The following ELOA variants were observed in gnomAD, a reference collection of about 807,000 sequenced individuals.
ELOA encodes elongin-A.
ELOA carries 15 observed loss-of-function variants against 85.2 expected under a neutral mutation model. The ratio of observed to expected loss-of-function variants is 0.18; its 90% CI spans 0.12 to 0.27. The LOEUF is 0.27. ELOA is among the 10% of genes least tolerant of loss of function. ELOA has a pLI of 1.00. For missense variants in ELOA, 769 were observed against 952.7 expected, an observed-to-expected ratio of 0.81 and a Z score of 2.54; for synonymous variants, 348 against 357.2, an observed-to-expected ratio of 0.97 and a Z score of 0.29.
chr1:23,749,964 T>A lies in ELOA; in HGVS notation c.239+16T>A, dbSNP rs1644761837. On this transcript the variant is annotated intron_variant, in intron 3 of 10. Transcript: ENST00000613537. The stretch of plus-strand genomic sequence containing the variant: ...CTGTGGAACGGTAAGAACATTTCTC[T>A]TTAGGTTTGTTCAATTTCATGGTTA... 2.5e-6 allele frequency: 4 copies of A among 1,588,158 alleles called. No homozygotes were observed. In the East Asian group the frequency reaches 9.0e-5, roughly 36 times the overall value.
At chr1:23,748,954 A>G in intron 1 of ELOA, 67 bp from the exon 2 acceptor site, 1 of 1,310,166 alleles carries the variant, frequency 7.6e-7, no homozygotes, top group Admixed American at 1.7e-5. Context: ...AGCACTAAGC[A>G]CTTAATAATC....
In ELOA at chr1:23,751,455, C is replaced by T. The variant is rs779971063; in HGVS notation, c.850C>T (p.Pro284Ser). The T allele has an allele frequency of 2.5e-6, 4 of 1,614,032 alleles. No homozygotes were observed. Among genetic ancestry groups the T allele is most frequent in the East Asian group, 2.2e-5 (1 of 44,878 alleles). The change falls in exon 4 of 11, where the codon CCC (proline) becomes TCC (serine). Residue 284 changes from proline (P) to serine (S), a missense_variant. This residue lies in a region of ELOA where 440 missense variants were observed against 474.0 expected (regional missense o/e 0.93). Coordinates refer to ENST00000613537, the MANE Select transcript of ELOA (RefSeq NM_003198.3). Reference sequence around the variant, plus strand: ...CTCCAAAGAGGAGAACCGAAGGCCACCCTCAGGGGACAATGCAAGGGAGAA... The same window carrying T: ...CTCCAAAGAGGAGAACCGAAGGCCATCCTCAGGGGACAATGCAAGGGAGAA... Reference protein sequence around the residue: ...ALSKEENRRPPSGDNAREKPP... With the variant: ...ALSKEENRRPSSGDNAREKPP...
Position 23,751,409 on chromosome 1 carries a change from A to G in ELOA, c.804A>G (p.Arg268=). The part of the protein sequence containing the change: ...KSDEKASVVS[R]EKSHKALSKE... ...ATGAGAAGGCCTCTGTGGTGAGCAG[A>G]GAGAAATCACACAAGGCCCTCTCCA... The change falls in exon 4 of 11, where the codon AGA becomes AGG. Residue 268 remains arginine, a synonymous_variant. Coordinates refer to ENST00000613537, the MANE Select transcript of ELOA (RefSeq NM_003198.3). The G allele has an allele frequency of 6.2e-7, 1 of 1,614,172 alleles. No homozygotes were observed.
chr1:23,756,172 C>A, intron 8 of ELOA, 102 bp from the exon 9 acceptor site: 1 of 1,426,948 alleles, frequency 7.0e-7, no homozygotes, highest in Non-Finnish European at 9.4e-7. Flanking sequence ...CCATTCTACC[C>A]TACAAGTGGG....
In ELOA at chr1:23,760,517, T is replaced by C. The variant is rs1638279167; in HGVS notation, c.*944T>C. 6.6e-6 allele frequency: 1 copy of C among 152,204 alleles called. No homozygotes were observed. The highest frequency in any genetic ancestry group is 1.5e-5 in the Non-Finnish European group (1 of 68,048). The allele number at this position is 152,204 out of a possible 1,614,324, so 9.4% of individuals were successfully genotyped here. On this transcript the variant is annotated 3_prime_UTR_variant, in exon 11 of 11. Transcript: ENST00000613537. Reference sequence around the variant, plus strand: ...CTTTTTGTAGCCCTGAAGGCAACTTTAGACATTTAAAATCCAGCACTTTAA... The same window carrying C: ...CTTTTTGTAGCCCTGAAGGCAACTTCAGACATTTAAAATCCAGCACTTTAA...
intron 2 of ELOA, 38 bp from the exon 3 acceptor site, chr1:23,749,804 T>C: frequency 6.3e-7 from 1 of 1,587,648 alleles, no homozygotes; most frequent in South Asian, 1.1e-5. Context: ...GTTAGCCTAG[T>C]TCCAGACCCC....
At chr1:23,745,585 G>T (rs1212602084) in intron 1 of ELOA, among the ~76,000 whole-genome samples, 1 of 151,142 alleles carries the variant, frequency 6.6e-6, no homozygotes, top group African/African-American at 2.4e-5. Flanking sequence ...TTTGCATTGT[G>T]AAGTGAGCAT....
In ELOA at chr1:23,751,195, T is replaced by C. The variant is rs1644768704; in HGVS notation, c.590T>C (p.Leu197Pro). The change falls in exon 4 of 11, where the codon CTG becomes CCG. Residue 197 changes from leucine to proline, a missense_variant. Transcript: ENST00000613537. ...ATGTACGTCGACCACTACAGATCCCTGGAGGAGGACCAGGAGCCCATTGTT... is the reference window on the plus strand; with the variant it reads ...ATGTACGTCGACCACTACAGATCCCCGGAGGAGGACCAGGAGCCCATTGTT... ...HQMYVDHYRS[L>P]EEDQEPIVSH... 1 of 1,614,160 alleles carries C rather than the reference T, an allele frequency of 6.2e-7. No homozygotes were observed. Among genetic ancestry groups the C allele is most frequent in the Non-Finnish European group, 8.5e-7 (1 of 1,180,020 alleles).
In ELOA at chr1:23,751,013, C is replaced by T. The variant is rs766641343; in HGVS notation, c.408C>T (p.Leu136=). 6.2e-7 allele frequency: 1 copy of T among 1,613,896 alleles called. No individual in the cohort carries two copies. The highest frequency in any genetic ancestry group is 1.7e-5 in the Admixed American group (1 of 59,982). Reference sequence around the variant, plus strand: ...ACAGGCAGAAGAAACATAGGAAACTCTCGGAGCTCGAGAGACCTCACAAAG... The same window carrying T: ...ACAGGCAGAAGAAACATAGGAAACTTTCGGAGCTCGAGAGACCTCACAAAG... ...PDHRQKKHRK[L]SELERPHKVS... Residue 136 remains leucine (L), a synonymous_variant, in exon 4 of 11, where the codon CTC becomes CTT. Transcript: ENST00000613537.
At chr1:23,757,834 A>C (rs920368903) in intron 10 of ELOA, among the ~76,000 whole-genome samples, 2 of 151,034 alleles carry the variant, frequency 1.3e-5, no homozygotes, top group Non-Finnish European at 3.0e-5. Flanking sequence ...AAAAAAAGTG[A>C]AAGTAGAAAA....
At chr1:23,749,814 C>G in intron 2 of ELOA, 28 bp from the exon 3 acceptor site, 1 of 1,605,260 alleles carries the variant, frequency 6.2e-7, no homozygotes, top group Non-Finnish European at 8.5e-7. Flanking sequence ...TTCCAGACCC[C>G]TCTAACAATT....
chr1:23,747,954 T>C (rs1644753813), intron 1 of ELOA, among the ~76,000 whole-genome samples: 1 of 152,242 alleles, frequency 6.6e-6, no homozygotes, highest in Non-Finnish European at 1.5e-5. Flanking sequence ...ACCACAGTTA[T>C]CTATTTTAAA....
chr1:23,744,900 ACCAGGCTGAAAGTCAGTGCT>A (rs980648405), intron 1 of ELOA, among the ~76,000 whole-genome samples: 1 of 152,200 alleles, frequency 6.6e-6, no homozygotes, highest in Non-Finnish European at 1.5e-5. Flanking sequence ...AGGCTAAGGT[ACCAGGCTGAAAGTCAGTGCT>A]CAGAAAACCA....
chr1:23,750,330 C>A (rs1432457261), intron 3 of ELOA, among the ~76,000 whole-genome samples: 1 of 151,946 alleles, frequency 6.6e-6, no homozygotes, highest in Non-Finnish European at 1.5e-5. Flanking sequence ...CACCCGCCAC[C>A]ACGCCCGGCT....
rs1368166276 is a variant in ELOA at position 23,754,266 on chromosome 1, C to T, written c.1693+11C>T. Reference sequence around the variant, plus strand: ...AAAACAACATCGATTGTAAGTCACACGCTTCTCTCTAGCTCTCAAGCACAT... The same window carrying T: ...AAAACAACATCGATTGTAAGTCACATGCTTCTCTCTAGCTCTCAAGCACAT... On this transcript the variant is annotated intron_variant, in intron 6 of 10. Transcript: ENST00000613537. The T allele has an allele frequency of 7.4e-6, 12 of 1,614,132 alleles. No homozygotes were observed. Among genetic ancestry groups the T allele is most frequent in the South Asian group, 5.5e-5 (5 of 91,070 alleles).
chr1:23,743,821 G>T (rs1011872341), intron 1 of ELOA, among the ~76,000 whole-genome samples: 1 of 151,624 alleles, frequency 6.6e-6, no homozygotes, highest in Non-Finnish European at 1.5e-5. Flanking sequence ...GGGCGCGCCC[G>T]GTGCGGACAC....
chr1:23,747,465 A>G (rs1323882933), intron 1 of ELOA, among the ~76,000 whole-genome samples: 1 of 152,230 alleles, frequency 6.6e-6, no homozygotes, highest in East Asian at 1.9e-4. Context: ...GTAACGTGTA[A>G]GAGCTTAGTG....
Position 23,752,036 on chromosome 1 carries a change from C to T in ELOA, c.1425+6C>T. 2 of 1,579,260 alleles carry T rather than the reference C, an allele frequency of 1.3e-6. No individual in the cohort carries two copies. The highest frequency in any genetic ancestry group is 8.6e-7 in the Non-Finnish European group (1 of 1,168,622). ...ATTTAGCCAAGCTGAGAAAGGTAAC[C>T]CCTTCAGCCCCTTGGTGGCTTCCCA... On this transcript the variant is annotated splice_donor_region_variant and intron_variant, in intron 4 of 10. Coordinates refer to ENST00000613537, the MANE Select transcript of ELOA (RefSeq NM_003198.3).
chr1:23,758,453 T>C (rs1410232460), intron 10 of ELOA, among the ~76,000 whole-genome samples: 2 of 149,550 alleles, frequency 1.3e-5, no homozygotes, highest in East Asian at 3.9e-4. Context: ...TTTTGTATTT[T>C]TAGTAGACAC....
Sources: gnomAD v4.1 joint callset for allele counts (sites outside exome capture counted in the v4.1 genomes callset) on GRCh38, gnomAD v4.1.1 for gene constraint, gnomAD v4.1.1 regional missense constraint, MANE v1.5 for transcripts, NCBI Gene and HGNC (gene_info 2026-07-23, HGNC 2026-07-21) for gene names.